The following ARHGAP26 variants were observed in gnomAD, a reference collection of about 807,000 sequenced individuals.
The protein encoded by ARHGAP26 is rho GTPase-activating protein 26.
In ARHGAP26, 38 loss-of-function variants were observed where a neutral mutation model predicts 104.8. The observed-to-expected ratio is 0.36, with a 90% CI of 0.28 to 0.48. The LOEUF (loss-of-function observed/expected upper bound fraction) is 0.48, where lower values mean the gene tolerates loss of function less well. ARHGAP26 is among the 20% of genes least tolerant of loss of function. The pLI, the probability that ARHGAP26 is intolerant of heterozygous loss-of-function variation, is 0.99. For missense variants in ARHGAP26, 704 were observed against 947.9 expected (o/e 0.74, Z 3.38); for synonymous variants, 341 against 340.0 (o/e 1.00, Z -0.03).
At position 143,213,981 on chromosome 5, in the gene ARHGAP26, T is replaced by A; in HGVS notation, c.2100-16T>A. On this transcript the variant is annotated splice_polypyrimidine_tract_variant and intron_variant, in intron 21 of 22. Transcript: ENST00000645722. ...GTTTTTTCAAAAATGTTAAATAAACTCCTGTTTTCACACAGCACACCGTTC... is the reference window on the plus strand; with the variant it reads ...GTTTTTTCAAAAATGTTAAATAAACACCTGTTTTCACACAGCACACCGTTC... The A allele has an allele frequency of 6.5e-7, 1 of 1,538,292 alleles. No individual in the cohort carries two copies. The highest frequency in any genetic ancestry group is 8.9e-7 in the Non-Finnish European group (1 of 1,120,526).
rs546070993 is a variant in ARHGAP26, at chr5:143,027,691, T to G, written c.1145-9505T>G. Among the ~76,000 whole-genome samples, 8 of 152,300 alleles carry G rather than the reference T, an allele frequency of 5.3e-5. No homozygotes were observed. The South Asian group carries it at 1.7e-3, about 32-fold the overall frequency. On this transcript the variant is annotated intron_variant, in intron 12 of 22. Transcript: ENST00000645722. ...CTTGGAATCATCCCATATGCCAAAGTGGAACAATCCAGCATTCCATATTAA... is the reference window on the plus strand; with the variant it reads ...CTTGGAATCATCCCATATGCCAAAGGGGAACAATCCAGCATTCCATATTAA...
chr5:143,040,304 T>C, intron 13 of ARHGAP26, among the ~76,000 whole-genome samples: 1 of 152,252 alleles, frequency 6.6e-6, no homozygotes, highest in Non-Finnish European at 1.5e-5. Flanking sequence ...TGTAAAATTC[T>C]ATCATTCCAG....
At chr5:142,937,921 G>T (rs1360684307) in intron 11 of ARHGAP26, among the ~76,000 whole-genome samples, 1 of 152,152 alleles carries the variant, frequency 6.6e-6, no homozygotes, top group Non-Finnish European at 1.5e-5. Flanking sequence ...GCACAAGCAA[G>T]TCCTTCGTGG....
rs1274443108 is a variant in ARHGAP26, at chr5:142,770,663, C to CG, written c.-94dup. On this transcript the variant is annotated 5_prime_UTR_variant, in exon 1 of 23. Transcript: ENST00000645722. ...CCACACCTGTGGAGCCGGCGGCCGT[C>CG]GGGGGAGCCGGCCGGGGTCCCGCCG... is the stretch of plus-strand genomic sequence containing the variant. 1.1e-6 allele frequency: 1 copy of CG among 920,376 alleles called. No individual in the cohort carries two copies. Among genetic ancestry groups the CG allele is most frequent in the African/African-American group, 1.8e-5 (1 of 55,940 alleles). 57.0% of individuals were successfully genotyped at this position (920,376 alleles called of 1,614,324 possible).
chr5:142,965,055 G>A (rs173740), intron 11 of ARHGAP26, among the ~76,000 whole-genome samples: 48,642 of 152,058 alleles, frequency 0.32, 8,826 homozygotes, highest in East Asian at 0.73. Context: ...TCCCTGCCTG[G>A]CAGCCAAGGC....
At chr5:142,906,880 T>C (rs1761175751) in intron 8 of ARHGAP26, among the ~76,000 whole-genome samples, 1 of 152,254 alleles carries the variant, frequency 6.6e-6, no homozygotes, top group Non-Finnish European at 1.5e-5. Flanking sequence ...AAACAATTTT[T>C]TTTTTTTAAC....
chr5:143,187,270 A>G (rs1188289800), intron 20 of ARHGAP26, among the ~76,000 whole-genome samples: 1 of 152,210 alleles, frequency 6.6e-6, no homozygotes, highest in Non-Finnish European at 1.5e-5. Context: ...TTAATTCAGT[A>G]TTCTTAAGAA....
At chr5:142,878,551 G>A (rs1756472393) in intron 3 of ARHGAP26, among the ~76,000 whole-genome samples, 1 of 152,156 alleles carries the variant, frequency 6.6e-6, no homozygotes, top group Admixed American at 6.5e-5. Context: ...GCATGTGTGT[G>A]TGTGTGTATA....
intron 1 of ARHGAP26, among the ~76,000 whole-genome samples, chr5:142,791,734 C>T (rs1265705782): frequency 7.2e-5 from 11 of 152,126 alleles, no homozygotes; most frequent in South Asian, 2.1e-4. Context: ...GAGGCCAAGG[C>T]GGGTGGATCA....
At chr5:143,090,194 G>A (rs939457869) in intron 17 of ARHGAP26, among the ~76,000 whole-genome samples, 3 of 152,258 alleles carry the variant, frequency 2.0e-5, no homozygotes, top group African/African-American at 4.8e-5. Flanking sequence ...GAGAGAGAGC[G>A]TGGCATGACT....
intron 14 of ARHGAP26, among the ~76,000 whole-genome samples, chr5:143,046,643 G>T (rs1031235254): frequency 3.9e-5 from 6 of 152,170 alleles, no homozygotes; most frequent in Admixed American, 1.3e-4. Context: ...GTGTCTGGGG[G>T]TTTTCCCCCC....
At chr5:142,939,618 A>G (rs1453143001) in intron 11 of ARHGAP26, among the ~76,000 whole-genome samples, 1 of 152,210 alleles carries the variant, frequency 6.6e-6, no homozygotes, top group African/African-American at 2.4e-5. Flanking sequence ...GAAAAGTAAG[A>G]TTGATTACTG....
At chr5:142,933,834 C>T (rs901712139) in intron 11 of ARHGAP26, among the ~76,000 whole-genome samples, 10 of 152,188 alleles carry the variant, frequency 6.6e-5, no homozygotes, top group African/African-American at 2.4e-4. Flanking sequence ...TTGGCAGTCT[C>T]CATCCTAGTG....
chr5:142,886,213 G>A (rs565592550), intron 5 of ARHGAP26, among the ~76,000 whole-genome samples: 1 of 152,284 alleles, frequency 6.6e-6, no homozygotes, highest in Non-Finnish European at 1.5e-5. Context: ...AGAGGCTACC[G>A]TGGCTTCCAG....
intron 17 of ARHGAP26, among the ~76,000 whole-genome samples, chr5:143,106,600 G>C (rs2150675137): frequency 1.3e-5 from 2 of 150,344 alleles, no homozygotes; most frequent in South Asian, 4.2e-4. Context: ...AGCCTCCCGA[G>C]TAGCTGGGAC....
chr5:143,158,380 T>G (rs542544989), intron 20 of ARHGAP26, among the ~76,000 whole-genome samples: 98 of 152,330 alleles, frequency 6.4e-4, no homozygotes, highest in African/African-American at 2.3e-3. Flanking sequence ...CAAAGAGCGT[T>G]GGTCAAAGCC....
intron 12 of ARHGAP26, among the ~76,000 whole-genome samples, chr5:143,032,295 T>G (rs1465362164): frequency 6.6e-6 from 1 of 152,036 alleles, no homozygotes; most frequent in Non-Finnish European, 1.5e-5. Flanking sequence ...GGGAGGGAAG[T>G]AAACCAGCCG....
At chr5:143,153,172 A>G (rs1800047482) in intron 20 of ARHGAP26, among the ~76,000 whole-genome samples, 1 of 152,144 alleles carries the variant, frequency 6.6e-6, no homozygotes, top group African/African-American at 2.4e-5. Context: ...CTTGTAACTG[A>G]GATTCTAAGA....
At chr5:142,834,654 C>T (rs925232707) in intron 1 of ARHGAP26, among the ~76,000 whole-genome samples, 1 of 152,174 alleles carries the variant, frequency 6.6e-6, no homozygotes, top group Non-Finnish European at 1.5e-5. Context: ...CATCTACATG[C>T]TCTGGCAGCT....
Sources: allele counts gnomAD v4.1 joint callset (sites outside exome capture counted in the v4.1 genomes callset), GRCh38; gene constraint gnomAD v4.1.1; transcripts MANE v1.5; gene names NCBI Gene and HGNC (gene_info 2026-07-23, HGNC 2026-07-21).